ADARB2: variants seen among roughly 807,000 people sequenced by gnomAD.
ADARB2 encodes adenosine deaminase RNA specific B2 (inactive).
ADARB2 carries 25 observed loss-of-function variants against 62.2 expected under a neutral mutation model. The observed-to-expected ratio is 0.40, with a 90% CI of 0.29 to 0.56. ADARB2 has a LOEUF of 0.56. Among genes scored for constraint, ADARB2 ranks in the 20% least tolerant of loss-of-function variants. ADARB2 has a pLI of 0.43. For missense variants in ADARB2, 1,071 were observed against 1,077.4 expected (o/e 0.99, Z 0.08); for synonymous variants, 572 against 500.8 (o/e 1.14, Z -1.90).
At chr10:1,665,845 G>T (rs1026963453) in intron 1 of ADARB2, among the ~76,000 whole-genome samples, 1 of 152,202 alleles carries the variant, frequency 6.6e-6, no homozygotes, top group Non-Finnish European at 1.5e-5. Flanking sequence ...GGCTTCTTGG[G>T]TTTGCAGCAT....
intron 1 of ADARB2, among the ~76,000 whole-genome samples, chr10:1,530,638 C>T (rs1267643183): frequency 1.3e-5 from 2 of 152,186 alleles, no homozygotes; most frequent in East Asian, 3.9e-4. Flanking sequence ...GACCGCTTGT[C>T]GGTTTCTAGA....
At chr10:1,209,573 A>ACCTACAGCCTGG (rs1837120776) in intron 7 of ADARB2, among the ~76,000 whole-genome samples, 1 of 120,032 alleles carries the variant, frequency 8.3e-6, no homozygotes, top group South Asian at 3.3e-4. Context: ...CCACATCATC[A>ACCTACAGCCTGG]CCCACACTCT....
intron 1 of ADARB2, among the ~76,000 whole-genome samples, chr10:1,514,178 A>ATATATATATATAT (rs1831976214): frequency 9.6e-5 from 9 of 94,156 alleles, no homozygotes; most frequent in African/African-American, 2.4e-4. Context: ...GCTGTCTCAA[A>ATATATATATATAT]ATATATATAT....
At chr10:1,250,129 T>C (rs1475785021) in intron 4 of ADARB2, among the ~76,000 whole-genome samples, 1 of 151,348 alleles carries the variant, frequency 6.6e-6, no homozygotes, top group Non-Finnish European at 1.5e-5. Context: ...ATGAATCCTC[T>C]CTAAATTGAT....
In ADARB2 at chr10:1,255,516, C is replaced by T. The variant is rs145575079; in HGVS notation, c.1193-13217G>A. ...GGCTGCTGTCCACCTGTGATGGCCT[C>T]GGGCACTGTGGCCCCCACTACAACC... is the stretch of plus-strand genomic sequence containing the variant. On this transcript the variant is annotated intron_variant, in intron 4 of 9. Transcript: ENST00000381312. The surrounding 1 kb of genome is among the most constrained non-coding windows in gnomAD (Gnocchi z 4.7). Among the ~76,000 whole-genome samples the T allele has an allele frequency of 4.8e-3, 736 of 152,374 alleles. 5 individuals are homozygous for T. The highest frequency in any genetic ancestry group is 0.016 in the African/African-American group (686 of 41,596).
chr10:1,516,975 C>A (rs945629389), intron 1 of ADARB2, among the ~76,000 whole-genome samples: 1 of 152,108 alleles, frequency 6.6e-6, no homozygotes. Flanking sequence ...ATGGCGTTTC[C>A]CCCACGCCGG....
intron 1 of ADARB2, among the ~76,000 whole-genome samples, chr10:1,506,422 G>C (rs529241908): frequency 6.6e-6 from 1 of 152,050 alleles, no homozygotes; most frequent in South Asian, 2.1e-4. Flanking sequence ...CCCCCACTAC[G>C]GTATTTGCAT....
At chr10:1,343,570 C>T (rs564283626) in intron 3 of ADARB2, among the ~76,000 whole-genome samples, 10 of 152,298 alleles carry the variant, frequency 6.6e-5, no homozygotes, top group South Asian at 6.2e-4. Flanking sequence ...CACACAGGCA[C>T]GCGCATGTCC....
chr10:1,479,483 T>C (rs757427039), intron 1 of ADARB2, among the ~76,000 whole-genome samples: 3 of 151,492 alleles, frequency 2.0e-5, no homozygotes, highest in Non-Finnish European at 4.4e-5. Context: ...TGGAGTAGAG[T>C]AGGTAGGATC....
At chr10:1,375,718 T>C (rs925692646) in intron 2 of ADARB2, among the ~76,000 whole-genome samples, 8 of 152,210 alleles carry the variant, frequency 5.3e-5, no homozygotes, top group African/African-American at 1.9e-4. Flanking sequence ...TCCTGACATA[T>C]GTGCGTGCAC....
chr10:1,694,478 T>C (rs1413778993), intron 1 of ADARB2, among the ~76,000 whole-genome samples: 1 of 152,174 alleles, frequency 6.6e-6, no homozygotes, highest in East Asian at 1.9e-4. Flanking sequence ...AAATCAGGGC[T>C]TTTAAACTGT....
chr10:1,733,692 C>T (rs961878258), intron 1 of ADARB2, among the ~76,000 whole-genome samples: 3 of 152,028 alleles, frequency 2.0e-5, no homozygotes, highest in Admixed American at 6.6e-5. Flanking sequence ...TTTTTTAATA[C>T]GTACACATTG....
rs61833563 is a variant in ADARB2, at chr10:1,334,163, C to T, written c.1077+28865G>A. 2.2e-3 allele frequency among the ~76,000 whole-genome samples: 331 copies of T among 152,252 alleles called. 1 individual carries two copies. The highest frequency in any genetic ancestry group is 3.6e-3 in the Non-Finnish European group (244 of 68,028). On this transcript the variant is annotated intron_variant, in intron 3 of 9. Transcript: ENST00000381312. ...TTTTGTGTTTCCTGGAGCAGCGGTA[C>T]GGCGGGAAACATGGAAGAAGCGGCG...
Position 1,177,604 on chromosome 10 carries a change from C to T in ADARB2, c.*5589G>A, listed in dbSNP as rs571617445. On this transcript the variant is annotated 3_prime_UTR_variant, in exon 10 of 10. Transcript: ENST00000381312. The stretch of plus-strand genomic sequence containing the variant: ...CTGGGAGAGATTTTTTTTTTTTTAC[C>T]GATGCATAAACTGCAGAGAGATAGA... 15 of 150,288 alleles carry T rather than the reference C, an allele frequency of 1.0e-4. No homozygotes were observed. Among genetic ancestry groups the T allele is most frequent in the Non-Finnish European group, 1.6e-4 (11 of 67,630 alleles). 9.3% of individuals were successfully genotyped at this position (150,288 alleles called of 1,614,324 possible).
intron 4 of ADARB2, among the ~76,000 whole-genome samples, chr10:1,260,067 A>G (rs1466635888): frequency 6.6e-6 from 1 of 152,102 alleles, no homozygotes; most frequent in Non-Finnish European, 1.5e-5. Context: ...TTATCTCAAT[A>G]GATGCAGAAA....
At chr10:1,391,166 G>A (rs1250425061) in intron 1 of ADARB2, among the ~76,000 whole-genome samples, 1 of 152,166 alleles carries the variant, frequency 6.6e-6, no homozygotes, top group Admixed American at 6.5e-5. Context: ...GACTGGGATT[G>A]CAATGCATTG....
At chr10:1,301,444 T>C (rs1247020562) in intron 3 of ADARB2, among the ~76,000 whole-genome samples, 1 of 152,240 alleles carries the variant, frequency 6.6e-6, no homozygotes, top group Admixed American at 6.5e-5. Flanking sequence ...AGTGCTTACA[T>C]ACATTATTGA....
chr10:1,490,007 C>A (rs1486732145), intron 1 of ADARB2, among the ~76,000 whole-genome samples: 2 of 152,174 alleles, frequency 1.3e-5, no homozygotes, highest in Non-Finnish European at 2.9e-5. Context: ...CTCAGCCTTG[C>A]AGCTGACTGA....
intron 1 of ADARB2, among the ~76,000 whole-genome samples, chr10:1,691,280 C>T (rs1367471201): frequency 6.6e-6 from 1 of 152,134 alleles, no homozygotes; most frequent in East Asian, 1.9e-4. Flanking sequence ...TCAGGAGAAA[C>T]CAACCCTGAT....
Sources: gnomAD v4.1 joint callset for allele counts (sites outside exome capture counted in the v4.1 genomes callset) on GRCh38, gnomAD v4.1.1 for gene constraint, Gnocchi (gnomAD v3.1) non-coding constraint, MANE v1.5 for transcripts, NCBI Gene and HGNC (gene_info 2026-07-23, HGNC 2026-07-21) for gene names.